The following NDST3 variants were observed in gnomAD, a reference collection of about 807,000 sequenced individuals.
NDST3 encodes the protein N-deacetylase and N-sulfotransferase 3.
Under a neutral mutation model 96.1 loss-of-function variants are expected in NDST3, and 58 were observed. The ratio of observed to expected loss-of-function variants is 0.60; its 90% confidence interval spans 0.49 to 0.75. The LOEUF is 0.75. NDST3 is among the 30% of genes least tolerant of loss of function. The pLI, the probability that NDST3 is intolerant of heterozygous loss-of-function variation, is 0.00. For synonymous variants in NDST3, 333 were observed against 359.7 expected (o/e 0.93, Z 0.84); for missense variants, 788 against 1,034.2 (o/e 0.76, Z 3.27).
At chr4:118,088,133 A>T (rs1399245604) in intron 2 of NDST3, among the ~76,000 whole-genome samples, 1 of 152,098 alleles carries the variant, frequency 6.6e-6, no homozygotes, top group Admixed American at 6.6e-5. Flanking sequence ...GGAATGACAG[A>T]CATGTAAGTA....
At chr4:118,172,241 T>TA (rs1735998340) in intron 6 of NDST3, among the ~76,000 whole-genome samples, 1 of 152,198 alleles carries the variant, frequency 6.6e-6, no homozygotes. Context: ...TCTTTTGTAG[T>TA]AAAATTGGGA....
rs755210173 is a variant in NDST3, at chr4:118,242,081, T to C, written c.2331T>C (p.Ala777=). The C allele has an allele frequency of 1.1e-5, 17 of 1,613,204 alleles. No homozygotes were observed. Among genetic ancestry groups the C allele is most frequent in the Middle Eastern group, 3.3e-4 (2 of 6,078 alleles). Residue 777 remains alanine, a synonymous_variant, in exon 12 of 14, where the codon GCT becomes GCC. Transcript: ENST00000296499. ...IDGQQLRTDP[A]TVMDEVQKFL... ...GGCAACAACTAAGAACTGATCCTGC[T>C]ACAGTGATGGATGAAGTACAGAAGT...
chr4:118,074,342 C>T (rs969529378), intron 2 of NDST3, among the ~76,000 whole-genome samples: 2 of 151,708 alleles, frequency 1.3e-5, no homozygotes, highest in South Asian at 2.1e-4. Context: ...AGTTTTCTGC[C>T]TCAATGAAGT....
intron 6 of NDST3, among the ~76,000 whole-genome samples, chr4:118,158,205 C>A (rs1005810567): frequency 2.0e-5 from 3 of 152,122 alleles, no homozygotes; most frequent in Admixed American, 2.0e-4. Context: ...TCAGCTAGTG[C>A]TCAAATTTTA....
chr4:118,147,328 C>G (rs1237154863), intron 6 of NDST3, among the ~76,000 whole-genome samples: 2 of 152,126 alleles, frequency 1.3e-5, no homozygotes, highest in Non-Finnish European at 2.9e-5. Context: ...TCATGATATA[C>G]CATGGGAGAG....
At chr4:118,250,793 C>T (rs887137869) in intron 12 of NDST3, among the ~76,000 whole-genome samples, 21 of 152,064 alleles carry the variant, frequency 1.4e-4, no homozygotes, top group Non-Finnish European at 2.6e-4. Flanking sequence ...CTGTTCCAAT[C>T]TTTTATGCAG....
chr4:118,249,253 T>C (rs936785009), intron 12 of NDST3, among the ~76,000 whole-genome samples: 1 of 152,240 alleles, frequency 6.6e-6, no homozygotes, highest in Non-Finnish European at 1.5e-5. Context: ...CAAGGTATAT[T>C]AGCAAAAAGT....
At chr4:118,191,716 A>C (rs938494931) in intron 6 of NDST3, among the ~76,000 whole-genome samples, 3 of 152,234 alleles carry the variant, frequency 2.0e-5, no homozygotes, top group African/African-American at 7.2e-5. Context: ...AAAACAATTC[A>C]ATTATGCTCT....
chr4:118,233,629 CAG>C (rs1342735939), intron 9 of NDST3, among the ~76,000 whole-genome samples: 1 of 152,050 alleles, frequency 6.6e-6, no homozygotes, highest in Non-Finnish European at 1.5e-5. Flanking sequence ...CAACAATACA[CAG>C]AATTTAATTC....
At chr4:118,050,821 C>T (rs1725032105) in intron 1 of NDST3, among the ~76,000 whole-genome samples, 1 of 151,524 alleles carries the variant, frequency 6.6e-6, no homozygotes, top group African/African-American at 2.4e-5. Flanking sequence ...ACAGATTCAA[C>T]ACTACTATCA....
At chr4:118,170,929 C>T (rs535020658) in intron 6 of NDST3, among the ~76,000 whole-genome samples, 13 of 152,236 alleles carry the variant, frequency 8.5e-5, no homozygotes, top group African/African-American at 2.6e-4. Context: ...CTTCTCTCTT[C>T]GGAGTAGAAG....
chr4:118,200,869 G>A (rs1413026553), intron 6 of NDST3, among the ~76,000 whole-genome samples: 1 of 151,942 alleles, frequency 6.6e-6, no homozygotes, highest in African/African-American at 2.4e-5. Context: ...GCTGAAGTTT[G>A]GAGTACAGGT....
At chr4:118,086,151 A>T (rs11935069) in intron 2 of NDST3, among the ~76,000 whole-genome samples, 5,651 of 152,140 alleles carry the variant, frequency 0.037, 378 homozygotes, top group African/African-American at 0.13. Flanking sequence ...CAAACCCATA[A>T]ATCTTCTGTC....
chr4:118,087,183 A>C (rs1728491502), intron 2 of NDST3, among the ~76,000 whole-genome samples: 1 of 152,140 alleles, frequency 6.6e-6, no homozygotes, highest in African/African-American at 2.4e-5. Context: ...CTTAAATGTA[A>C]AGTGGTGAAA....
At chr4:118,245,777 T>C (rs143762508) in intron 12 of NDST3, among the ~76,000 whole-genome samples, 69 of 152,322 alleles carry the variant, frequency 4.5e-4, no homozygotes, top group African/African-American at 1.6e-3. Flanking sequence ...TACATTTATA[T>C]GTCCTATATA....
Position 118,146,069 on chromosome 4 carries a change from T to G in NDST3, c.1539+2385T>G, listed in dbSNP as rs541139309. Among the ~76,000 whole-genome samples, 3 of 152,312 alleles carry G rather than the reference T, an allele frequency of 2.0e-5. No individual in the cohort carries two copies. The East Asian group carries it at 5.8e-4, about 29-fold the overall frequency. ...ATGAATTCTCCATCCTGAAATTAAG[T>G]GCTTGGACAAAGTTTGTATTGAAAC... On this transcript the variant is annotated intron_variant, in intron 6 of 13. Transcript: ENST00000296499.
Position 118,065,859 on chromosome 4 carries a change from T to C in NDST3, c.981+10968T>C, listed in dbSNP as rs534298409. ...TGCCTGGTGCAGTAATGTACCTTTT[T>C]CCCCCCTTCATACATAGATCTTTAT... On this transcript the variant is annotated intron_variant, in intron 2 of 13. Coordinates refer to ENST00000296499, the MANE Select transcript of NDST3 (RefSeq NM_004784.3). Among the ~76,000 whole-genome samples the C allele has an allele frequency of 1.0e-3, 156 of 150,740 alleles. 1 individual carries two copies. The highest frequency in any genetic ancestry group is 1.5e-3 in the Non-Finnish European group (105 of 67,822).
intron 2 of NDST3, among the ~76,000 whole-genome samples, chr4:118,103,379 A>C (rs1404998340): frequency 6.6e-6 from 1 of 152,142 alleles, no homozygotes; most frequent in African/African-American, 2.4e-5. Flanking sequence ...TAGAATGTTC[A>C]ACTGGGGAAC....
At chr4:118,150,581 T>C (rs1416865718) in intron 6 of NDST3, among the ~76,000 whole-genome samples, 1 of 150,670 alleles carries the variant, frequency 6.6e-6, no homozygotes, top group Non-Finnish European at 1.5e-5. Context: ...GCGAAGGACA[T>C]GAACAGACAC....
Sources: allele counts gnomAD v4.1 joint callset (sites outside exome capture counted in the v4.1 genomes callset), GRCh38; gene constraint gnomAD v4.1.1; transcripts MANE v1.5; gene names NCBI Gene and HGNC (gene_info 2026-07-23, HGNC 2026-07-21).